SPIDR: variants seen among roughly 807,000 people sequenced by gnomAD.
SPIDR encodes the protein scaffold protein involved in DNA repair.
SPIDR carries 93 observed loss-of-function variants against 104.6 expected under a neutral mutation model. That is an observed-to-expected ratio of 0.89 (90% CI 0.75 to 1.06). SPIDR has a LOEUF of 1.06. SPIDR is among the 50% of genes least tolerant of loss of function. The pLI, the probability that SPIDR is intolerant of heterozygous loss-of-function variation, is 0.00. For synonymous variants in SPIDR, 431 were observed against 416.9 expected (o/e 1.03, Z -0.41); for missense variants, 1,154 against 1,111.2 (o/e 1.04, Z -0.55).
intron 8 of SPIDR, among the ~76,000 whole-genome samples, chr8:47,466,912 T>G (rs797044345): frequency 4.5e-4 from 51 of 113,348 alleles, no homozygotes; most frequent in African/African-American, 1.1e-3. Context: ...TATATATATA[T>G]ATAGATAGAT....
At chr8:47,511,982 G>T (rs1199077169) in intron 8 of SPIDR, 3 of 790,670 alleles carry the variant, frequency 3.8e-6, no homozygotes, top group Non-Finnish European at 6.8e-6. Context: ...GGGGTTGCCT[G>T]TGAAATGGTT....
intron 8 of SPIDR, among the ~76,000 whole-genome samples, chr8:47,481,833 A>G (rs559818571): frequency 6.6e-6 from 1 of 152,328 alleles, no homozygotes; most frequent in East Asian, 1.9e-4. Context: ...CTCTCTGGAG[A>G]TAGTGGAGTT....
At chr8:47,599,310 G>A (rs2061986242) in intron 10 of SPIDR, 114 bp downstream of exon 10, 3 of 1,391,178 alleles carry the variant, frequency 2.2e-6, no homozygotes, top group Non-Finnish European at 2.9e-6. Context: ...CCATATACGT[G>A]AGCTGTTTTT....
rs573549338 is a variant in SPIDR at position 47,475,528 on chromosome 8, A to G, written c.1097+34986A>G. Among the ~76,000 whole-genome samples the G allele has an allele frequency of 2.6e-5, 4 of 152,384 alleles. 1 individual carries two copies. In the East Asian group the frequency reaches 7.7e-4, roughly 29 times the overall value. On this transcript the variant is annotated intron_variant, in intron 8 of 19. Transcript: ENST00000297423. ...TGCACTAACTTAAAGAGTAATTTCTATTACAATAAAATTGCAAGTAAAATA... is the reference window on the plus strand; with the variant it reads ...TGCACTAACTTAAAGAGTAATTTCTGTTACAATAAAATTGCAAGTAAAATA...
At chr8:47,309,466 C>G (rs1013440500) in intron 5 of SPIDR, among the ~76,000 whole-genome samples, 6 of 152,298 alleles carry the variant, frequency 3.9e-5, no homozygotes, top group African/African-American at 1.4e-4. Flanking sequence ...ATTGTTGCAT[C>G]TGTGCCAGAA....
At chr8:47,596,047 T>G in intron 9 of SPIDR, 41 bp downstream of exon 9, 1 of 1,544,496 alleles carries the variant, frequency 6.5e-7, no homozygotes, top group Non-Finnish European at 8.8e-7. Flanking sequence ...CTTGTAATAA[T>G]GTTAGTGACT....
chr8:47,552,707 T>G (rs1372111261), intron 8 of SPIDR, among the ~76,000 whole-genome samples: 1 of 151,154 alleles, frequency 6.6e-6, no homozygotes, highest in African/African-American at 2.5e-5. Context: ...GTCTTGACTC[T>G]TTATCCAATT....
At chr8:47,596,474 G>A (rs1413834738) in intron 9 of SPIDR, among the ~76,000 whole-genome samples, 3 of 152,252 alleles carry the variant, frequency 2.0e-5, no homozygotes, top group Admixed American at 6.5e-5. Context: ...ATAGAAAAAG[G>A]ATAGTAAAAA....
chr8:47,619,106 C>T (rs1465088204), intron 10 of SPIDR, among the ~76,000 whole-genome samples: 3 of 152,116 alleles, frequency 2.0e-5, no homozygotes, highest in Non-Finnish European at 4.4e-5. Context: ...AAAAATTAGC[C>T]TTTTGTAATG....
At chr8:47,361,751 A>G (rs782714661) in intron 5 of SPIDR, among the ~76,000 whole-genome samples, 2 of 152,142 alleles carry the variant, frequency 1.3e-5, no homozygotes, top group Non-Finnish European at 2.9e-5. Flanking sequence ...GGAGAACTAC[A>G]GTTTAGGGGA....
intron 4 of SPIDR, among the ~76,000 whole-genome samples, chr8:47,291,581 C>T (rs2039913481): frequency 2.0e-5 from 3 of 152,198 alleles, no homozygotes; most frequent in African/African-American, 7.2e-5. Context: ...CTAAACACTT[C>T]AGAAACATTT....
At chr8:47,423,742 G>T (rs782370312) in intron 7 of SPIDR, among the ~76,000 whole-genome samples, 4 of 152,220 alleles carry the variant, frequency 2.6e-5, no homozygotes, top group Non-Finnish European at 5.9e-5. Context: ...GGAGGCCTTG[G>T]CTGGGTTTCA....
chr8:47,393,861 C>T (rs558679905), intron 5 of SPIDR, among the ~76,000 whole-genome samples: 5 of 148,932 alleles, frequency 3.4e-5, no homozygotes, highest in Admixed American at 2.7e-4. Flanking sequence ...TCCTTCCTTC[C>T]GTCCTTCCGT....
chr8:47,382,416 T>A (rs2059421306), intron 5 of SPIDR, among the ~76,000 whole-genome samples: 1 of 152,136 alleles, frequency 6.6e-6, no homozygotes, highest in Admixed American at 6.5e-5. Context: ...AAATTTAAAG[T>A]TTTTTCTCTT....
intron 5 of SPIDR, among the ~76,000 whole-genome samples, chr8:47,377,317 C>G (rs1554643057): frequency 6.6e-6 from 1 of 152,102 alleles, no homozygotes; most frequent in African/African-American, 2.4e-5. Context: ...GTTTGGGGTC[C>G]CTAAGATTAT....
At chr8:47,626,391 A>G (rs994344594) in intron 10 of SPIDR, among the ~76,000 whole-genome samples, 6 of 152,216 alleles carry the variant, frequency 3.9e-5, no homozygotes, top group African/African-American at 1.4e-4. Flanking sequence ...AACAAATGGG[A>G]TCTAATTAAA....
At chr8:47,681,595 T>C (rs932872255) in intron 11 of SPIDR, among the ~76,000 whole-genome samples, 3 of 152,204 alleles carry the variant, frequency 2.0e-5, no homozygotes, top group African/African-American at 7.2e-5. Context: ...AAAGGAAACA[T>C]ATTTTTTAAA....
chr8:47,734,532 T>C (rs1295936950), intron 19 of SPIDR, among the ~76,000 whole-genome samples: 1 of 152,130 alleles, frequency 6.6e-6, no homozygotes, highest in East Asian at 1.9e-4. Context: ...CCAAATGCCT[T>C]GCACAGAGGA....
rs782207089 is a variant in SPIDR at position 47,440,335 on chromosome 8, G to A, written c.890G>A (p.Gly297Asp). Residue 297 changes from glycine (G) to aspartate (D), a missense_variant, in exon 8 of 20, where the codon GGT becomes GAT. Gly to Asp is a moderately conservative substitution (Grantham distance 94). Coordinates refer to ENST00000297423, the MANE Select transcript of SPIDR (RefSeq NM_001080394.4). ...CTTCAACTTCTAGGTAGAAAATCTGGTGTATTAACTGTGAAAATTTTAGAG... is the reference window on the plus strand; with the variant it reads ...CTTCAACTTCTAGGTAGAAAATCTGATGTATTAACTGTGAAAATTTTAGAG... ...YQKTLSGRKS[G>D]VLTVKILELH... The A allele has an allele frequency of 4.3e-6, 7 of 1,613,986 alleles. No individual in the cohort carries two copies. The highest frequency in any genetic ancestry group is 5.9e-6 in the Non-Finnish European group (7 of 1,179,898).
Sources: gnomAD v4.1 joint callset for allele counts (sites outside exome capture counted in the v4.1 genomes callset) on GRCh38, gnomAD v4.1.1 for gene constraint, MANE v1.5 for transcripts, NCBI Gene and HGNC (gene_info 2026-07-23, HGNC 2026-07-21) for gene names.